Variants in USP31 observed in about 807,000 individuals in gnomAD.
USP31 encodes ubiquitin specific peptidase 31.
In USP31, 44 loss-of-function variants were observed where a neutral mutation model predicts 119.4. The observed-to-expected ratio is 0.37, with a 90% CI of 0.29 to 0.47. The LOEUF is 0.47. Ranked by LOEUF, USP31 falls within the 20% of genes least tolerant of loss-of-function variation. The pLI, the probability that USP31 is intolerant of heterozygous loss-of-function variation, is 0.99. For synonymous variants in USP31, 749 were observed against 705.6 expected, an observed-to-expected ratio of 1.06 and a Z score of -0.97; for missense variants, 1,643 against 1,730.2, an observed-to-expected ratio of 0.95 and a Z score of 0.89.
At position 23,066,559 on chromosome 16, in the gene USP31, AC is replaced by A. The variant is rs1318049525; in HGVS notation, c.*1486del. The A allele has an allele frequency of 6.6e-6, 1 of 152,128 alleles. No individual in the cohort carries two copies. Among genetic ancestry groups the A allele is most frequent in the Non-Finnish European group, 1.5e-5 (1 of 68,024 alleles). 9.4% of individuals were successfully genotyped at this position (152,128 alleles called of 1,614,324 possible). ...AAGAACTTGAAGAGTCTGACGAAAA[AC>A]GCTAATATTTAAAAGCACATAAACT... On this transcript the variant is annotated 3_prime_UTR_variant, in exon 16 of 16. Transcript: ENST00000219689.
intron 1 of USP31, among the ~76,000 whole-genome samples, chr16:23,115,320 T>C (rs1014169422): frequency 6.6e-6 from 1 of 152,218 alleles, no homozygotes; most frequent in East Asian, 1.9e-4. Flanking sequence ...AATAGAAGCA[T>C]TGCTACAATC....
chr16:23,071,915 C>A, intron 15 of USP31, 130 bp downstream of exon 15: 1 of 1,243,728 alleles, frequency 8.0e-7, no homozygotes, highest in Admixed American at 2.3e-5. Flanking sequence ...CTACACAGCT[C>A]CACTCCCTGT....
At chr16:23,133,089 T>C (rs915057385) in intron 1 of USP31, among the ~76,000 whole-genome samples, 1 of 152,188 alleles carries the variant, frequency 6.6e-6, no homozygotes, top group Non-Finnish European at 1.5e-5. Flanking sequence ...CTTAAGCTTG[T>C]GTGATGATAG....
chr16:23,084,273 C>A (rs1025879953), intron 11 of USP31, among the ~76,000 whole-genome samples: 1 of 152,174 alleles, frequency 6.6e-6, no homozygotes, highest in Non-Finnish European at 1.5e-5. Context: ...ATTTATCCAT[C>A]TCTCTGTCCA....
At chr16:23,102,249 C>T (rs1040831391) in intron 6 of USP31, 70 bp downstream of exon 6, 43 of 1,503,538 alleles carry the variant, frequency 2.9e-5, no homozygotes, top group Non-Finnish European at 3.5e-5. Context: ...ATATAATAGA[C>T]AACTAAAAAG....
At chr16:23,114,212 G>A (rs1309692227) in intron 1 of USP31, among the ~76,000 whole-genome samples, 1 of 152,196 alleles carries the variant, frequency 6.6e-6, no homozygotes, top group African/African-American at 2.4e-5. Flanking sequence ...AGAGATGGAA[G>A]AGAAGGAGGT....
At position 23,068,068 on chromosome 16, in the gene USP31, C is replaced by T. The variant is rs941074071; in HGVS notation, c.4037G>A (p.Arg1346Gln). Reference protein sequence around the residue: ...KLSSSMQTSARPSQKPQ With the variant: ...KLSSSMQTSAQPSQKPQ The stretch of plus-strand genomic sequence containing the variant: ...ATATCACTGAGGTTTTTGAGAAGGC[C>T]GTGCAGAGGTTTGCATGCTAGAAGA... The change falls in exon 16 of 16, where the codon CGG (arginine) becomes CAG (glutamine). Residue 1346 changes from arginine to glutamine, a missense_variant. Coordinates refer to ENST00000219689, the MANE Select transcript of USP31 (RefSeq NM_020718.4). The T allele has an allele frequency of 4.3e-6, 7 of 1,612,202 alleles. No individual in the cohort carries two copies. The African/African-American group carries it at 5.3e-5, about 12-fold the overall frequency.
chr16:23,096,039 G>C (rs1316797007), intron 6 of USP31, among the ~76,000 whole-genome samples: 1 of 151,932 alleles, frequency 6.6e-6, no homozygotes, highest in Non-Finnish European at 1.5e-5. Context: ...CCAATTAAAA[G>C]ACAGACTGGC....
chr16:23,093,324 A>T (rs1462624982), intron 6 of USP31, among the ~76,000 whole-genome samples: 5 of 152,190 alleles, frequency 3.3e-5, no homozygotes, highest in Admixed American at 3.3e-4. Flanking sequence ...TTACAACTCA[A>T]CAAAAACAAC....
intron 13 of USP31, among the ~76,000 whole-genome samples, chr16:23,075,525 G>A (rs1900530047): frequency 6.6e-6 from 1 of 152,118 alleles, no homozygotes; most frequent in South Asian, 2.1e-4. Context: ...ATGGCTCACG[G>A]ACTGACACGA....
intron 7 of USP31, among the ~76,000 whole-genome samples, chr16:23,088,127 G>A (rs1179238422): frequency 6.6e-6 from 1 of 152,136 alleles, no homozygotes; most frequent in Non-Finnish European, 1.5e-5. Flanking sequence ...CACAGGGGGT[G>A]GGAGTGGACA....
chr16:23,136,473 T>A (rs572272926), intron 1 of USP31, among the ~76,000 whole-genome samples: 1 of 152,100 alleles, frequency 6.6e-6, no homozygotes, highest in South Asian at 2.1e-4. Context: ...GCCAACATGG[T>A]GAAACCCCGT....
chr16:23,104,792 A>G (rs576827219), intron 5 of USP31, among the ~76,000 whole-genome samples: 1 of 152,362 alleles, frequency 6.6e-6, no homozygotes, highest in East Asian at 1.9e-4. Flanking sequence ...AAATAAAATA[A>G]TAATAGTAAA....
chr16:23,146,139 A>G (rs1035929710), intron 1 of USP31, among the ~76,000 whole-genome samples: 4 of 151,356 alleles, frequency 2.6e-5, no homozygotes, highest in Non-Finnish European at 5.9e-5. Context: ...TTTGGAAAAG[A>G]GGAGAAAACC....
chr16:23,063,638 CA>C lies in USP31; in HGVS notation c.*4407del, dbSNP rs1444509370. On this transcript the variant is annotated 3_prime_UTR_variant, in exon 16 of 16. Coordinates refer to ENST00000219689, the MANE Select transcript of USP31 (RefSeq NM_020718.4). ...AAACAGCAGAGAAATATATGCAGAG[CA>C]AAACAAGAAATCGCATTCATGCTCT... 2 of 152,038 alleles carry C rather than the reference CA, an allele frequency of 1.3e-5. No homozygotes were observed. Among genetic ancestry groups the C allele is most frequent in the African/African-American group, 4.8e-5 (2 of 41,306 alleles). The allele number at this position is 152,038 out of a possible 1,614,324, so 9.4% of individuals were successfully genotyped here. A position where few individuals can be genotyped will look rare whatever the true frequency, so the allele number is the denominator to read the frequency against.
chr16:23,088,267 CAAGT>C (rs911900843), intron 7 of USP31, among the ~76,000 whole-genome samples: 3 of 152,154 alleles, frequency 2.0e-5, no homozygotes, highest in Admixed American at 2.0e-4. Flanking sequence ...CACTGGCAAG[CAAGT>C]GACAGTGAAA....
chr16:23,087,663 T>C, intron 8 of USP31, 61 bp downstream of exon 8: 3 of 1,420,014 alleles, frequency 2.1e-6, no homozygotes, highest in South Asian at 2.5e-5. Flanking sequence ...TTCATTGTAA[T>C]GTTTGTTTCT....
chr16:23,143,819 C>T (rs1596740758), intron 1 of USP31, among the ~76,000 whole-genome samples: 1 of 152,044 alleles, frequency 6.6e-6, no homozygotes, highest in East Asian at 1.9e-4. Flanking sequence ...ATGCCAGTAG[C>T]ACCCTGATCC....
rs1484177063 is a variant in USP31 at position 23,061,474 on chromosome 16, C to A, written c.*6572G>T. 6.6e-6 allele frequency: 1 copy of A among 152,612 alleles called. No individual in the cohort carries two copies. The highest frequency in any genetic ancestry group is 1.5e-5 in the Non-Finnish European group (1 of 68,042). The allele number at this position is 152,612 out of a possible 1,614,324, so 9.5% of individuals were successfully genotyped here. ...TTTTCCACTTTTCTCTTAATTCCAA[C>A]TGTATACTATATAATCAACGCTGTT... On this transcript the variant is annotated 3_prime_UTR_variant, in exon 16 of 16. Coordinates refer to ENST00000219689, the MANE Select transcript of USP31 (RefSeq NM_020718.4).
Sources: allele counts gnomAD v4.1 joint callset (sites outside exome capture counted in the v4.1 genomes callset), GRCh38; gene constraint gnomAD v4.1.1; transcripts MANE v1.5; gene names NCBI Gene and HGNC (gene_info 2026-07-23, HGNC 2026-07-21).